Variants in CADM2 observed in about 807,000 individuals in gnomAD.
The protein encoded by CADM2 is immunoglobulin superfamily member 4D.
In CADM2, 12 loss-of-function variants were observed where a neutral mutation model predicts 49.8. The ratio of observed to expected loss-of-function variants is 0.24; its 90% CI spans 0.15 to 0.39. CADM2 has a LOEUF of 0.39. Ranked by LOEUF, CADM2 falls within the 10% of genes least tolerant of loss-of-function variation. CADM2 has a pLI of 1.00. For missense variants in CADM2, 378 were observed against 492.3 expected (o/e 0.77, Z 2.20); for synonymous variants, 214 against 175.4 (o/e 1.22, Z -1.74).
At chr3:85,693,555 C>G (rs113556521) in intron 1 of CADM2, among the ~76,000 whole-genome samples, 55,896 of 130,026 alleles carry the variant, frequency 0.43, 11,585 homozygotes, top group South Asian at 0.5. Flanking sequence ...AGTCCTGCCT[C>G]GGCGAAAGAG....
chr3:85,776,248 G>C (rs942577016), intron 2 of CADM2, among the ~76,000 whole-genome samples: 2 of 150,672 alleles, frequency 1.3e-5, no homozygotes, highest in African/African-American at 4.9e-5. Flanking sequence ...TTTTTTAAAT[G>C]ATAAAACAGA....
chr3:85,585,228 C>T (rs73139831), intron 1 of CADM2, among the ~76,000 whole-genome samples: 31,284 of 151,670 alleles, frequency 0.21, 3,841 homozygotes, highest in East Asian at 0.3. Context: ...TCAACTGTGG[C>T]AGTATTACAG....
intron 1 of CADM2, among the ~76,000 whole-genome samples, chr3:85,561,399 T>G (rs969938273): frequency 1.3e-5 from 2 of 152,220 alleles, no homozygotes; most frequent in Non-Finnish European, 2.9e-5. Flanking sequence ...TTGAGGATTT[T>G]GGATTCCTTG....
At chr3:85,144,425 A>G (rs930482736) in intron 1 of CADM2, among the ~76,000 whole-genome samples, 2 of 152,022 alleles carry the variant, frequency 1.3e-5, no homozygotes, top group Admixed American at 1.3e-4. Context: ...AGCCCTGGCC[A>G]ACGTGATGAA....
intron 1 of CADM2, among the ~76,000 whole-genome samples, chr3:85,480,041 G>GA (rs922869272): frequency 1.5e-4 from 23 of 151,644 alleles, no homozygotes; most frequent in African/African-American, 5.3e-4. Context: ...AACTTTAAAA[G>GA]TTACTTCTAA....
In CADM2 at chr3:85,225,193, G is replaced by T. The variant is rs186226808; in HGVS notation, c.61+265525G>T. ...TTGAATCCATCAATTACTTTGGGCAGTATGGCCATTTTCATGATATTGGTT... is the reference window on the plus strand; with the variant it reads ...TTGAATCCATCAATTACTTTGGGCATTATGGCCATTTTCATGATATTGGTT... On this transcript the variant is annotated intron_variant, in intron 1 of 9. Transcript: ENST00000383699. 7.9e-5 allele frequency among the ~76,000 whole-genome samples: 12 copies of T among 152,270 alleles called. No individual in the cohort carries two copies. The East Asian group carries it at 2.3e-3, about 29-fold the overall frequency.
chr3:85,315,723 A>G (rs1404444393), intron 1 of CADM2, among the ~76,000 whole-genome samples: 3 of 152,214 alleles, frequency 2.0e-5, no homozygotes, highest in Non-Finnish European at 2.9e-5. Flanking sequence ...AAACTTATCA[A>G]ATATGATATA....
At chr3:85,321,809 C>T (rs1194972768) in intron 1 of CADM2, among the ~76,000 whole-genome samples, 3 of 152,152 alleles carry the variant, frequency 2.0e-5, no homozygotes, top group Admixed American at 1.3e-4. Flanking sequence ...AAAATACAAA[C>T]ATCTTTAATT....
At chr3:85,793,862 A>T (rs141541097) in intron 2 of CADM2, among the ~76,000 whole-genome samples, 4 of 152,316 alleles carry the variant, frequency 2.6e-5, no homozygotes, top group African/African-American at 9.6e-5. Context: ...ATTAAAATGG[A>T]TGTTGATGCA....
intron 1 of CADM2, among the ~76,000 whole-genome samples, chr3:85,655,919 A>C (rs2065182590): frequency 6.6e-6 from 1 of 151,872 alleles, no homozygotes; most frequent in African/African-American, 2.4e-5. Flanking sequence ...CTGCTGCATT[A>C]GTTTGTCTTC....
rs147489393 is a variant in CADM2 at position 85,999,432 on chromosome 3, G to T, written c.970+37785G>T. On this transcript the variant is annotated intron_variant, in intron 8 of 9. Transcript: ENST00000383699. ...AGACACGAGAATCACTTGAACCCGG[G>T]AGGTGAAGCTTGCAGTGAGCCCAGA... Among the ~76,000 whole-genome samples the T allele has an allele frequency of 2.6e-3, 396 of 152,072 alleles. 3 individuals carry two copies. Among genetic ancestry groups the T allele is most frequent in the Middle Eastern group, 6.8e-3 (2 of 294 alleles).
chr3:85,270,685 G>A (rs993647800), intron 1 of CADM2, among the ~76,000 whole-genome samples: 10 of 151,084 alleles, frequency 6.6e-5, no homozygotes, highest in Non-Finnish European at 1.0e-4. Flanking sequence ...GCAAGCAGAA[G>A]GAACTCGAAT....
rs185062057 is a variant in CADM2, at chr3:85,790,698, A to C, written c.89-11349A>C. ...TCGGTCTACGGGATTGTAAGGGCTG[A>C]AGCTGCCAATCTGGCACTGTTACAC... On this transcript the variant is annotated intron_variant, in intron 2 of 9. Transcript: ENST00000383699. 2.8e-3 allele frequency among the ~76,000 whole-genome samples: 420 copies of C among 152,288 alleles called. 1 individual carries two copies. Among genetic ancestry groups the C allele is most frequent in the African/African-American group, 9.7e-3 (405 of 41,554 alleles).
At chr3:85,935,882 G>A (rs1721138120) in intron 7 of CADM2, 25 bp downstream of exon 7, 2 of 1,388,042 alleles carry the variant, frequency 1.4e-6, no homozygotes, top group South Asian at 1.2e-5. Context: ...GAGCAATAAA[G>A]CTTTTAACTT....
intron 1 of CADM2, among the ~76,000 whole-genome samples, chr3:85,584,549 G>A (rs2107311669): frequency 1.3e-5 from 2 of 152,116 alleles, no homozygotes; most frequent in East Asian, 3.9e-4. Flanking sequence ...CTAAAGATGT[G>A]ACATTTAAGT....
At chr3:85,906,092 T>C (rs1716769070) in intron 5 of CADM2, among the ~76,000 whole-genome samples, 1 of 152,164 alleles carries the variant, frequency 6.6e-6, no homozygotes, top group Non-Finnish European at 1.5e-5. Context: ...AATGCGTAGA[T>C]ATTTTTATTT....
At chr3:86,029,136 G>T (rs180817559) in intron 8 of CADM2, among the ~76,000 whole-genome samples, 22 of 152,258 alleles carry the variant, frequency 1.4e-4, no homozygotes, top group Admixed American at 1.3e-3. Flanking sequence ...GAACATTCTT[G>T]TGATGGGCCT....
intron 1 of CADM2, among the ~76,000 whole-genome samples, chr3:84,967,724 G>A (rs1311885268): frequency 6.6e-6 from 1 of 152,134 alleles, no homozygotes; most frequent in Non-Finnish European, 1.5e-5. Flanking sequence ...TTTTGCTAAA[G>A]GATATGTACA....
intron 1 of CADM2, among the ~76,000 whole-genome samples, chr3:84,982,180 C>A (rs2032218292): frequency 6.6e-6 from 1 of 152,074 alleles, no homozygotes; most frequent in Non-Finnish European, 1.5e-5. Context: ...AGGACACTTT[C>A]TCAGTGAGAA....
Sources: gnomAD v4.1 joint callset for allele counts (sites outside exome capture counted in the v4.1 genomes callset) on GRCh38, gnomAD v4.1.1 for gene constraint, MANE v1.5 for transcripts, NCBI Gene and HGNC (gene_info 2026-07-23, HGNC 2026-07-21) for gene names.